TRANK1: variants seen among roughly 807,000 people sequenced by gnomAD.
The protein encoded by TRANK1 is tetratricopeptide repeat and ankyrin repeat containing 1.
In TRANK1, 198 loss-of-function variants were observed where a neutral mutation model predicts 266.0. That is an observed-to-expected ratio of 0.74 (90% confidence interval 0.66 to 0.84). The LOEUF is 0.84. Among genes scored for constraint, TRANK1 ranks in the 40% least tolerant of loss-of-function variants. The pLI is 0.00. For synonymous variants in TRANK1, 1,396 were observed against 1,384.1 expected (o/e 1.01, Z -0.19); for missense variants, 3,326 against 3,634.6 (o/e 0.92, Z 2.18).
intron 17 of TRANK1, among the ~76,000 whole-genome samples, chr3:36,845,958 T>C (rs191649451): frequency 6.6e-6 from 1 of 152,184 alleles, no homozygotes; most frequent in African/African-American, 2.4e-5. Context: ...CAAACACTCA[T>C]AGCACTTTGT....
chr3:36,872,184 T>G (rs1311354865), intron 9 of TRANK1, among the ~76,000 whole-genome samples: 1 of 152,188 alleles, frequency 6.6e-6, no homozygotes, highest in African/African-American at 2.4e-5. Context: ...GTAGATCACT[T>G]GAAGTCAGGA....
intron 1 of TRANK1, among the ~76,000 whole-genome samples, chr3:36,936,507 A>G (rs1227311256): frequency 6.6e-6 from 1 of 151,960 alleles, no homozygotes; most frequent in Non-Finnish European, 1.5e-5. Context: ...AAAAAAAAAA[A>G]GGAAATTGAA....
At chr3:36,889,516 G>A (rs2079656719) in intron 8 of TRANK1, among the ~76,000 whole-genome samples, 1 of 152,176 alleles carries the variant, frequency 6.6e-6, no homozygotes, top group Admixed American at 6.5e-5. Flanking sequence ...AAAATAAAAT[G>A]AGTAACCATG....
intron 1 of TRANK1, among the ~76,000 whole-genome samples, chr3:36,938,216 TTTTG>T (rs2080450046): frequency 6.7e-6 from 1 of 149,904 alleles, no homozygotes; most frequent in Admixed American, 6.6e-5. Context: ...TGTTTGTTTG[TTTTG>T]TTTTTTTTGT....
intron 10 of TRANK1, 58 bp from the exon 11 acceptor site, chr3:36,861,218 C>A: frequency 1.3e-6 from 2 of 1,500,574 alleles, no homozygotes; most frequent in South Asian, 1.3e-5. Flanking sequence ...TCTCTTCTTT[C>A]CCCAATCACA....
chr3:36,828,457 G>T, intron 23 of TRANK1, 82 bp from the exon 24 acceptor site: 1 of 952,820 alleles, frequency 1.0e-6, no homozygotes, highest in Non-Finnish European at 1.6e-6. Context: ...AAGGAAGGAA[G>T]GAAAGGAGGA....
chr3:36,840,188 A>G (rs2078824298), intron 18 of TRANK1, among the ~76,000 whole-genome samples: 1 of 151,874 alleles, frequency 6.6e-6, no homozygotes, highest in Non-Finnish European at 1.5e-5. Context: ...CCTGCTGCCC[A>G]TATTATCCCT....
At chr3:36,934,713 A>T (rs995811242) in intron 1 of TRANK1, among the ~76,000 whole-genome samples, 2 of 152,208 alleles carry the variant, frequency 1.3e-5, no homozygotes, top group Non-Finnish European at 1.5e-5. Flanking sequence ...TTCCCAGTTT[A>T]CATGACAACA....
intron 4 of TRANK1, among the ~76,000 whole-genome samples, chr3:36,898,659 G>A (rs1046760936): frequency 6.6e-6 from 1 of 151,968 alleles, no homozygotes; most frequent in Non-Finnish European, 1.5e-5. Context: ...AGGCCATCCT[G>A]GCCAATATGG....
intron 9 of TRANK1, among the ~76,000 whole-genome samples, chr3:36,869,495 CA>C (rs1404112789): frequency 6.6e-6 from 1 of 152,138 alleles, no homozygotes; most frequent in Non-Finnish European, 1.5e-5. Context: ...ACCATAGATG[CA>C]AAAAACAAAT....
intron 11 of TRANK1, among the ~76,000 whole-genome samples, chr3:36,860,337 T>C (rs2125551315): frequency 6.6e-6 from 1 of 152,282 alleles, no homozygotes; most frequent in East Asian, 1.9e-4. Flanking sequence ...GAGGTTGGTG[T>C]TTCTAAATCA....
intron 13 of TRANK1, 28 bp downstream of exon 13, chr3:36,855,144 CA>C (rs774800925): frequency 6.3e-7 from 1 of 1,575,404 alleles, no homozygotes; most frequent in South Asian, 1.2e-5. Context: ...TAAGCACCCC[CA>C]GTAGGCAAAC....
At position 36,855,868 on chromosome 3, in the gene TRANK1, A is replaced by G. The variant is rs2079044866; in HGVS notation, c.3854T>C (p.Ile1285Thr). ...CTCTTCATCCTCTTGCCAACTAGGA[A>G]TGGTTGACTCTTCCTGTGCAGACCA... is the stretch of plus-strand genomic sequence containing the variant. ...IGWSAQEEST[I>T]PSWQEDEEEA... The change falls in exon 13 of 24, where the codon ATT becomes ACT. Residue 1285 changes from isoleucine to threonine, a missense_variant. Transcript: ENST00000645898. 1.2e-6 allele frequency: 2 copies of G among 1,613,516 alleles called. No homozygotes were observed. Among genetic ancestry groups the G allele is most frequent in the Non-Finnish European group, 1.7e-6 (2 of 1,179,812 alleles).
intron 1 of TRANK1, 78 bp downstream of exon 1, chr3:36,944,709 C>T (rs2080548006): frequency 1.4e-6 from 2 of 1,475,814 alleles, no homozygotes; most frequent in South Asian, 1.2e-5. Context: ...AGTCCCCGCG[C>T]GCGGCCGCCT....
intron 15 of TRANK1, chr3:36,851,152 T>A (rs2078980082): frequency 1.0e-6 from 1 of 985,724 alleles, no homozygotes; most frequent in Non-Finnish European, 1.2e-6. Context: ...TGGGGGTCAA[T>A]GTGGGGACTC....
At position 36,858,796 on chromosome 3, in the gene TRANK1, C is replaced by A. The variant is rs1316883699; in HGVS notation, c.1594G>T (p.Ala532Ser). The A allele has an allele frequency of 1.3e-6, 2 of 1,537,092 alleles. No individual in the cohort carries two copies. Among genetic ancestry groups the A allele is most frequent in the Non-Finnish European group, 8.7e-7 (1 of 1,146,872 alleles). Residue 532 changes from alanine to serine, a missense_variant, in exon 12 of 24, where the codon GCA becomes TCA. Ala to Ser is a moderately conservative substitution (Grantham distance 99). Transcript: ENST00000645898. ...ELAFLLLTKG[A>S]DPRAISLTEG... is the part of the protein sequence containing the mutation. The stretch of plus-strand genomic sequence containing the variant: ...GTGAGAGAAATAGCACGGGGGTCTG[C>A]GCCCTTGGTCAAGAGAAGGAAAGCC...
chr3:36,909,462 G>A (rs2080021085), intron 1 of TRANK1, among the ~76,000 whole-genome samples: 1 of 152,122 alleles, frequency 6.6e-6, no homozygotes, highest in Non-Finnish European at 1.5e-5. Context: ...GAAAAGGTGG[G>A]GGTCAGAGAA....
Position 36,942,449 on chromosome 3 carries a change from A to G in TRANK1, c.23+2338T>C, listed in dbSNP as rs1321833283. Among the ~76,000 whole-genome samples, 4 of 140,790 alleles carry G rather than the reference A, an allele frequency of 2.8e-5. No homozygotes were observed. The Admixed American group carries it at 3.1e-4, about 11-fold the overall frequency. 92.4% of individuals were successfully genotyped at this position (140,790 alleles called of 152,430 possible). On this transcript the variant is annotated intron_variant, in intron 1 of 23. Coordinates refer to ENST00000645898, the MANE Select transcript of TRANK1 (RefSeq NM_001329998.2). ...TAGAAAACTATGAATCCAAGGCTGC[A>G]GTAGGGTTGCAGCATCTTCCCTTCT... is the stretch of plus-strand genomic sequence containing the variant.
At position 36,903,069 on chromosome 3, in the gene TRANK1, C is replaced by G. The variant is rs2079907316; in HGVS notation, c.282+80G>C. On this transcript the variant is annotated intron_variant, in intron 3 of 23. Transcript: ENST00000645898. ...CCCAGGTGCCACTGCCCCACACTTT[C>G]TCTCATCCTTTCATACCTTCATCCA... The G allele has an allele frequency of 4.8e-6, 7 of 1,469,352 alleles. No homozygotes were observed. In the Admixed American group the frequency reaches 1.5e-4, roughly 32 times the overall value. 91.0% of individuals were successfully genotyped at this position (1,469,352 alleles called of 1,614,324 possible). A position where few individuals can be genotyped will look rare whatever the true frequency, so the allele number is the denominator to read the frequency against.
Sources: gnomAD v4.1 joint callset for allele counts (sites outside exome capture counted in the v4.1 genomes callset) on GRCh38, gnomAD v4.1.1 for gene constraint, MANE v1.5 for transcripts, NCBI Gene and HGNC (gene_info 2026-07-23, HGNC 2026-07-21) for gene names.